Variants in CELF4 observed in about 807,000 individuals in gnomAD.
CELF4 encodes CUG-BP- and ETR-3-like factor 4.
CELF4 carries 18 observed loss-of-function variants against 59.9 expected under a neutral mutation model. That is an observed-to-expected ratio of 0.30 (90% CI 0.21 to 0.45). The LOEUF is 0.45. Ranked by LOEUF, CELF4 falls within the 20% of genes least tolerant of loss-of-function variation. The pLI, the probability that CELF4 is intolerant of heterozygous loss-of-function variation, is 1.00. For missense variants in CELF4, 456 were observed against 689.0 expected (o/e 0.66, Z 3.79); for synonymous variants, 261 against 267.1 (o/e 0.98, Z 0.22).
At chr18:37,434,345 G>A (rs1213701781) in intron 2 of CELF4, among the ~76,000 whole-genome samples, 1 of 152,170 alleles carries the variant, frequency 6.6e-6, no homozygotes, top group Non-Finnish European at 1.5e-5. Flanking sequence ...GGCATTTTTG[G>A]TCTATTAACT....
intron 1 of CELF4, among the ~76,000 whole-genome samples, chr18:37,531,145 C>T (rs977288965): frequency 3.3e-5 from 5 of 152,132 alleles, no homozygotes; most frequent in Admixed American, 6.5e-5. Context: ...CAGCTTGAAT[C>T]GTTGCCCAGA....
In CELF4 at chr18:37,386,458, C is replaced by A. The variant is rs368443254; in HGVS notation, c.370-64577G>T. 1.2e-4 allele frequency among the ~76,000 whole-genome samples: 18 copies of A among 152,168 alleles called. No homozygotes were observed. The East Asian group carries it at 2.5e-3, about 21-fold the overall frequency. ...GTGGAGAGGCCAGCTTGAGGGAGAACCAGCTTGAGGGAGAACCAGCTGATG... is the reference window on the plus strand; with the variant it reads ...GTGGAGAGGCCAGCTTGAGGGAGAAACAGCTTGAGGGAGAACCAGCTGATG... On this transcript the variant is annotated intron_variant, in intron 2 of 12. Coordinates refer to ENST00000420428, the MANE Select transcript of CELF4 (RefSeq NM_020180.4).
At chr18:37,318,168 C>G (rs768393396) in intron 3 of CELF4, among the ~76,000 whole-genome samples, 14 of 152,272 alleles carry the variant, frequency 9.2e-5, no homozygotes, top group South Asian at 2.1e-4. Flanking sequence ...ACTGCTGAGC[C>G]AGGGCTGGGG....
intron 1 of CELF4, among the ~76,000 whole-genome samples, chr18:37,559,599 T>C (rs1479219249): frequency 4.6e-5 from 7 of 152,132 alleles, no homozygotes; most frequent in Non-Finnish European, 8.8e-5. Flanking sequence ...CCAGATTCTC[T>C]TTAGGTGAGA....
intron 2 of CELF4, among the ~76,000 whole-genome samples, chr18:37,343,342 T>TGG (rs1401707672): frequency 6.8e-6 from 1 of 146,204 alleles, no homozygotes; most frequent in Non-Finnish European, 1.5e-5. Flanking sequence ...TGTGTGTGTG[T>TGG]GTGTGTGTGT....
intron 3 of CELF4, among the ~76,000 whole-genome samples, chr18:37,302,338 C>T (rs1481968089): frequency 1.3e-5 from 2 of 152,172 alleles, no homozygotes; most frequent in Non-Finnish European, 2.9e-5. Flanking sequence ...ACTTGAGCCC[C>T]TAAAGTGCTT....
intron 2 of CELF4, among the ~76,000 whole-genome samples, chr18:37,479,176 T>C (rs2099859143): frequency 6.6e-6 from 1 of 152,216 alleles, no homozygotes; most frequent in African/African-American, 2.4e-5. Flanking sequence ...CTCCTGCCCG[T>C]ACTCCCCACC....
At chr18:37,262,412 G>T (rs893685305) in intron 10 of CELF4, among the ~76,000 whole-genome samples, 7 of 152,190 alleles carry the variant, frequency 4.6e-5, no homozygotes, top group Admixed American at 4.6e-4. Context: ...GGGAGGGGGG[G>T]GCAGGAATTG....
intron 2 of CELF4, among the ~76,000 whole-genome samples, chr18:37,440,184 T>C (rs2099708013): frequency 6.6e-6 from 1 of 152,148 alleles, no homozygotes; most frequent in Non-Finnish European, 1.5e-5. Flanking sequence ...AGGTGTCCTG[T>C]ACACGCTCCC....
At chr18:37,478,652 T>C (rs966440441) in intron 2 of CELF4, among the ~76,000 whole-genome samples, 3 of 152,048 alleles carry the variant, frequency 2.0e-5, no homozygotes, top group South Asian at 2.1e-4. Context: ...GGGGAGGAGA[T>C]TGAAAAGATT....
chr18:37,324,047 C>T (rs2097212324), intron 2 of CELF4, among the ~76,000 whole-genome samples: 1 of 152,092 alleles, frequency 6.6e-6, no homozygotes, highest in Admixed American at 6.5e-5. Flanking sequence ...GCCTGACCCC[C>T]ACCCCACAAA....
At chr18:37,309,736 A>G (rs1422351952) in intron 3 of CELF4, among the ~76,000 whole-genome samples, 2 of 151,880 alleles carry the variant, frequency 1.3e-5, no homozygotes, top group East Asian at 3.9e-4. Context: ...AATGAGATTC[A>G]TGGTTTACCA....
intron 2 of CELF4, among the ~76,000 whole-genome samples, chr18:37,327,329 C>T (rs1423003074): frequency 2.6e-5 from 4 of 152,186 alleles, no homozygotes; most frequent in African/African-American, 9.7e-5. Context: ...CCACCAGTTC[C>T]TACTACTCCT....
At chr18:37,356,165 A>G (rs2098560678) in intron 2 of CELF4, among the ~76,000 whole-genome samples, 1 of 152,240 alleles carries the variant, frequency 6.6e-6, no homozygotes, top group Non-Finnish European at 1.5e-5. Context: ...ACCACTGACC[A>G]ATGGACAGAA....
At chr18:37,408,099 G>C (rs1216276653) in intron 2 of CELF4, among the ~76,000 whole-genome samples, 4 of 152,194 alleles carry the variant, frequency 2.6e-5, no homozygotes, top group African/African-American at 7.2e-5. Flanking sequence ...GAATAGCTCT[G>C]AATCACTGGA....
rs534092345 is a variant in CELF4, at chr18:37,255,468, A to G, written c.1334-1530T>C. Among the ~76,000 whole-genome samples the G allele has an allele frequency of 4.0e-5, 6 of 151,754 alleles. No homozygotes were observed. The East Asian group carries it at 1.2e-3, about 29-fold the overall frequency. On this transcript the variant is annotated intron_variant, in intron 11 of 12. Transcript: ENST00000420428. ...TGGTCAGAGCTGGGCCCAGAGCAAC[A>G]AAACTAACCTCTGTATAAATATAGA...
chr18:37,261,995 G>A (rs1310830578), intron 10 of CELF4, among the ~76,000 whole-genome samples: 1 of 152,164 alleles, frequency 6.6e-6, no homozygotes, highest in East Asian at 1.9e-4. Flanking sequence ...TGTGGGACAC[G>A]GCTTTGGCCA....
intron 2 of CELF4, among the ~76,000 whole-genome samples, chr18:37,398,983 G>T (rs1297590416): frequency 4.6e-5 from 7 of 152,138 alleles, no homozygotes; most frequent in Admixed American, 3.9e-4. Context: ...CCACCTGTGG[G>T]TGAGGCCTGC....
intron 1 of CELF4, among the ~76,000 whole-genome samples, chr18:37,541,744 C>A (rs1302086851): frequency 6.6e-6 from 1 of 151,918 alleles, no homozygotes; most frequent in Non-Finnish European, 1.5e-5. Flanking sequence ...TGCCTCCGGG[C>A]CTTTGCACCT....
Sources: allele counts gnomAD v4.1 joint callset (sites outside exome capture counted in the v4.1 genomes callset), GRCh38; gene constraint gnomAD v4.1.1; transcripts MANE v1.5; gene names NCBI Gene and HGNC (gene_info 2026-07-23, HGNC 2026-07-21).